The following CCSER1 variants were observed in gnomAD, a reference collection of about 807,000 sequenced individuals.
The protein encoded by CCSER1 is coiled-coil serine rich protein 1, also known as serine-rich coiled-coil domain-containing protein 1.
Under a neutral mutation model 82.0 loss-of-function variants are expected in CCSER1, and 41 were observed. The observed-to-expected ratio is 0.50, with a 90% CI of 0.39 to 0.65. The LOEUF (loss-of-function observed/expected upper bound fraction) is 0.65. Among genes scored for constraint, CCSER1 ranks in the 30% least tolerant of loss-of-function variants. The pLI is 0.00. For synonymous variants in CCSER1, 414 were observed against 383.9 expected, an observed-to-expected ratio of 1.08 and a Z score of -0.92; for missense variants, 1,119 against 1,064.2, an observed-to-expected ratio of 1.05 and a Z score of -0.72.
chr4:90,999,877 A>T (rs1737841136), intron 9 of CCSER1, among the ~76,000 whole-genome samples: 2 of 55,836 alleles, frequency 3.6e-5, no homozygotes, highest in Non-Finnish European at 6.6e-5. Flanking sequence ...GGTGTTTCTG[A>T]GGTTTTTTTT....
rs966873740 is a variant in CCSER1, at chr4:91,169,284, C to G, written c.2217+83290C>G. Among the ~76,000 whole-genome samples the G allele has an allele frequency of 8.6e-5, 13 of 151,066 alleles. No homozygotes were observed. The East Asian group carries it at 2.5e-3, about 30-fold the overall frequency. ...CATGTCCTCTAATTTCTCTTTTCAC[C>G]TAGTTACTTCCTTCAGTTTTTGCTT... On this transcript the variant is annotated intron_variant, in intron 10 of 10. Transcript: ENST00000509176.
chr4:91,234,917 T>C (rs767500707), intron 10 of CCSER1, among the ~76,000 whole-genome samples: 6 of 152,066 alleles, frequency 3.9e-5, no homozygotes, highest in Non-Finnish European at 8.8e-5. Context: ...CAACAATCAT[T>C]TGTGGTATGA....
At chr4:91,381,837 A>T (rs1750920155) in intron 10 of CCSER1, among the ~76,000 whole-genome samples, 1 of 152,110 alleles carries the variant, frequency 6.6e-6, no homozygotes. Context: ...TAGAACTTTC[A>T]GCTTTTCTGC....
chr4:91,129,133 G>A (rs1279420893), intron 10 of CCSER1, among the ~76,000 whole-genome samples: 1 of 151,970 alleles, frequency 6.6e-6, no homozygotes, highest in East Asian at 1.9e-4. Context: ...AAGGATCAAA[G>A]CTTTTTTCCT....
chr4:91,570,431 G>A (rs981367867), intron 10 of CCSER1, among the ~76,000 whole-genome samples: 1 of 152,196 alleles, frequency 6.6e-6, no homozygotes, highest in Non-Finnish European at 1.5e-5. Context: ...CTCCTCCCCT[G>A]CAGCAAATTT....
chr4:90,842,895 T>TA (rs35249723), intron 8 of CCSER1, among the ~76,000 whole-genome samples: 14,633 of 152,210 alleles, frequency 0.096, 742 homozygotes, highest in African/African-American at 0.12. Flanking sequence ...TTACAGTTTT[T>TA]ATCATGTTTG....
intron 1 of CCSER1, among the ~76,000 whole-genome samples, chr4:90,273,291 A>G (rs1011596452): frequency 1.3e-5 from 2 of 152,110 alleles, no homozygotes; most frequent in African/African-American, 2.4e-5. Context: ...AATGAGATCT[A>G]GTATTTGACA....
At chr4:91,452,157 A>G (rs1472278327) in intron 10 of CCSER1, among the ~76,000 whole-genome samples, 1 of 151,974 alleles carries the variant, frequency 6.6e-6, no homozygotes. Flanking sequence ...ATCCATAGTC[A>G]TAGGGCAAAA....
intron 1 of CCSER1, among the ~76,000 whole-genome samples, chr4:90,145,327 ATAAT>A (rs974055836): frequency 1.5e-4 from 23 of 152,164 alleles, no homozygotes; most frequent in African/African-American, 5.5e-4. Flanking sequence ...TAACTCATAA[ATAAT>A]TAAAGAGTCA....
At position 90,658,595 on chromosome 4, in the gene CCSER1, A is replaced by ATGTT. The variant is rs759939274; in HGVS notation, c.1932+30364_1932+30367dup. ...ACCCCAAGGATAAAAGTGACACCAA[A>ATGTT]TGTTACATTTGCCTTTGTGGGTTTC... On this transcript the variant is annotated intron_variant, in intron 6 of 10. Coordinates refer to ENST00000509176, the MANE Select transcript of CCSER1 (RefSeq NM_001145065.2). Among the ~76,000 whole-genome samples, 37 of 152,312 alleles carry ATGTT rather than the reference A, an allele frequency of 2.4e-4. 2 individuals carry two copies. In the East Asian group the frequency reaches 7.1e-3, roughly 29 times the overall value.
At chr4:90,713,751 T>G (rs1037400650) in intron 6 of CCSER1, among the ~76,000 whole-genome samples, 1 of 152,028 alleles carries the variant, frequency 6.6e-6, no homozygotes, top group Non-Finnish European at 1.5e-5. Context: ...CCAGCTTCAT[T>G]CCATTCTCCC....
At chr4:90,663,826 G>C in intron 6 of CCSER1, 1 of 330,114 alleles carries the variant, frequency 3.0e-6, no homozygotes, top group Non-Finnish European at 6.4e-6. Context: ...GAGTAATTGT[G>C]TGTTATTGTT....
chr4:90,525,601 T>C (rs1181498015), intron 5 of CCSER1, among the ~76,000 whole-genome samples: 1 of 152,142 alleles, frequency 6.6e-6, no homozygotes, highest in Non-Finnish European at 1.5e-5. Flanking sequence ...TTATTTTGAA[T>C]CTTCATTTCT....
intron 9 of CCSER1, among the ~76,000 whole-genome samples, chr4:90,963,517 A>G (rs1470141147): frequency 6.6e-6 from 1 of 152,168 alleles, no homozygotes; most frequent in Non-Finnish European, 1.5e-5. Context: ...TTAGGGAAGT[A>G]TTTAACATTA....
chr4:91,246,035 G>C (rs1015536274), intron 10 of CCSER1, among the ~76,000 whole-genome samples: 1 of 152,072 alleles, frequency 6.6e-6, no homozygotes, highest in Admixed American at 6.6e-5. Flanking sequence ...TCATCTGAAG[G>C]TACAAAACTA....
chr4:90,204,835 T>C lies in CCSER1; in HGVS notation c.-42+77004T>C, dbSNP rs547222176. ...TCTTCCTATCCATGAGCATGGGATGTTTTTCCATTTGTTTGTGTCCTCTCT... is the reference window on the plus strand; with the variant it reads ...TCTTCCTATCCATGAGCATGGGATGCTTTTCCATTTGTTTGTGTCCTCTCT... On this transcript the variant is annotated intron_variant, in intron 1 of 10. Transcript: ENST00000509176. Among the ~76,000 whole-genome samples the C allele has an allele frequency of 7.4e-4, 112 of 152,316 alleles. 1 individual carries two copies. Among genetic ancestry groups the C allele is most frequent in the Non-Finnish European group, 5.9e-5 (4 of 68,024 alleles).
intron 8 of CCSER1, among the ~76,000 whole-genome samples, chr4:90,870,423 A>C (rs545887334): frequency 5.9e-5 from 9 of 151,760 alleles, no homozygotes; most frequent in Non-Finnish European, 8.8e-5. Context: ...AGTTTTATTA[A>C]ATTCTTTTTC....
At chr4:90,838,900 T>A in intron 8 of CCSER1, 1 of 1,613,260 alleles carries the variant, frequency 6.2e-7, no homozygotes, top group Non-Finnish European at 8.5e-7. Context: ...GGCGCACGCC[T>A]CATTACGATT....
intron 8 of CCSER1, among the ~76,000 whole-genome samples, chr4:90,845,651 G>A (rs1325553170): frequency 6.6e-6 from 1 of 152,122 alleles, no homozygotes; most frequent in African/African-American, 2.4e-5. Context: ...TCCTAGGCCA[G>A]AAGGCAACAA....
Sources: gnomAD v4.1 joint callset for allele counts (sites outside exome capture counted in the v4.1 genomes callset) on GRCh38, gnomAD v4.1.1 for gene constraint, MANE v1.5 for transcripts, NCBI Gene and HGNC (gene_info 2026-07-23, HGNC 2026-07-21) for gene names.